Variants in ESRRB observed in about 807,000 individuals in gnomAD.
The protein encoded by ESRRB is estrogen related receptor beta.
Under a neutral mutation model 46.0 loss-of-function variants are expected in ESRRB, and 16 were observed. That is an observed-to-expected ratio of 0.35 (90% CI 0.24 to 0.53). ESRRB has a LOEUF of 0.53. Among genes scored for constraint, ESRRB ranks in the 20% least tolerant of loss-of-function variants. ESRRB has a pLI of 0.93. For missense variants in ESRRB, 488 were observed against 607.4 expected, an observed-to-expected ratio of 0.80 and a Z score of 2.07; for synonymous variants, 246 against 259.6, an observed-to-expected ratio of 0.95 and a Z score of 0.50.
intron 5 of ESRRB, among the ~76,000 whole-genome samples, chr14:76,489,119 A>T (rs1051797276): frequency 2.0e-5 from 3 of 151,878 alleles, no homozygotes; most frequent in African/African-American, 7.3e-5. Flanking sequence ...GCGTTTCCAG[A>T]AGCCTAGTCC....
rs565322112 is a variant in ESRRB, at chr14:76,427,036, G to A, written c.51-12305G>A. Among the ~76,000 whole-genome samples the A allele has an allele frequency of 4.1e-4, 62 of 152,306 alleles. No homozygotes were observed. The South Asian group carries it at 6.4e-3, about 16-fold the overall frequency. On this transcript the variant is annotated intron_variant, in intron 1 of 6. Transcript: ENST00000644823. ...GAACAGAGATGCTGCAGGGGCATGG[G>A]AGGAATTGCCAACAGTAACTGGGGC...
intron 5 of ESRRB, among the ~76,000 whole-genome samples, chr14:76,485,233 A>ATTTTTTTTTTTTTTTTTTTTTTTTTTTTT (rs34504939): frequency 3.3e-5 from 3 of 91,858 alleles, no homozygotes; most frequent in African/African-American, 4.2e-5. Context: ...CAAATGCCTG[A>ATTTTTTTTTTTTTTTTTTTTTTTTTTTTT]TTTTTTTTTT....
chr14:76,341,007 T>C (rs1884185443), intron 1 of ESRRB, among the ~76,000 whole-genome samples: 1 of 152,138 alleles, frequency 6.6e-6, no homozygotes, highest in Admixed American at 6.5e-5. Flanking sequence ...GCATGTGAAG[T>C]ACCGAGACTC....
chr14:76,325,236 G>A (rs565020362), intron 1 of ESRRB, among the ~76,000 whole-genome samples: 31 of 152,292 alleles, frequency 2.0e-4, no homozygotes, highest in Admixed American at 3.3e-4. Flanking sequence ...GATTACAGGC[G>A]TGAGCCACTG....
chr14:76,433,118 T>C (rs1887525615), intron 1 of ESRRB, among the ~76,000 whole-genome samples: 1 of 152,102 alleles, frequency 6.6e-6, no homozygotes, highest in Non-Finnish European at 1.5e-5. Context: ...AACCTCCCTG[T>C]AGATTTCTTG....
intron 3 of ESRRB, among the ~76,000 whole-genome samples, chr14:76,467,756 A>G (rs946743449): frequency 2.0e-5 from 3 of 151,638 alleles, no homozygotes; most frequent in Non-Finnish European, 4.4e-5. Flanking sequence ...GTGTGGACTG[A>G]CTCTGGAAAA....
chr14:76,417,420 T>A (rs910446776), intron 1 of ESRRB, among the ~76,000 whole-genome samples: 7 of 152,150 alleles, frequency 4.6e-5, no homozygotes, highest in Admixed American at 2.0e-4. Flanking sequence ...TTGCAGGCCA[T>A]GGAAGAGACT....
intron 1 of ESRRB, among the ~76,000 whole-genome samples, chr14:76,353,699 C>A (rs964838999): frequency 1.3e-5 from 2 of 152,178 alleles, no homozygotes; most frequent in African/African-American, 4.8e-5. Flanking sequence ...TGCCTGTAAT[C>A]CCAGCACTTC....
At position 76,410,010 on chromosome 14, in the gene ESRRB, G is replaced by A. The variant is rs759600660; in HGVS notation, c.51-29331G>A. Among the ~76,000 whole-genome samples, 63 of 152,090 alleles carry A rather than the reference G, an allele frequency of 4.1e-4. 1 individual carries two copies. The highest frequency in any genetic ancestry group is 7.9e-4 in the Non-Finnish European group (54 of 68,018). ...AGGCTGAGGGGGGTGGATCACCTGAGGTCAGGAGTTTGAGACCACCCTGGC... is the reference window on the plus strand; with the variant it reads ...AGGCTGAGGGGGGTGGATCACCTGAAGTCAGGAGTTTGAGACCACCCTGGC... On this transcript the variant is annotated intron_variant, in intron 1 of 6. Coordinates refer to ENST00000644823, the MANE Select transcript of ESRRB (RefSeq NM_001379180.1).
intron 1 of ESRRB, among the ~76,000 whole-genome samples, chr14:76,355,942 G>A (rs751097252): frequency 3.9e-5 from 6 of 152,126 alleles, no homozygotes; most frequent in East Asian, 3.9e-4. Flanking sequence ...ACCCTCTTCC[G>A]CAATCTCTTC....
intron 3 of ESRRB, among the ~76,000 whole-genome samples, chr14:76,466,787 G>A (rs1022084185): frequency 9.2e-5 from 14 of 151,674 alleles, no homozygotes; most frequent in African/African-American, 2.7e-4. Flanking sequence ...GCAGTGGCGC[G>A]ATCTAGGCTC....
At chr14:76,461,323 A>T (rs1210042570) in intron 2 of ESRRB, among the ~76,000 whole-genome samples, 1 of 151,810 alleles carries the variant, frequency 6.6e-6, no homozygotes, top group Non-Finnish European at 1.5e-5. Flanking sequence ...GAGGGGAGGG[A>T]CTCTGTAGAT....
At chr14:76,470,218 G>C (rs999892749) in intron 3 of ESRRB, among the ~76,000 whole-genome samples, 11 of 152,060 alleles carry the variant, frequency 7.2e-5, no homozygotes, top group Non-Finnish European at 4.4e-5. Flanking sequence ...CCAAAGTGTT[G>C]GGATTATAGG....
chr14:76,495,422 CGT>C, intron 6 of ESRRB: 1 of 152,008 alleles, frequency 6.6e-6, no homozygotes, highest in East Asian at 1.9e-4. Flanking sequence ...AGGGAACACA[CGT>C]TGCTTATTCC....
At chr14:76,496,429 T>C (rs1161602072) in intron 6 of ESRRB, among the ~76,000 whole-genome samples, 2 of 152,006 alleles carry the variant, frequency 1.3e-5, no homozygotes, top group African/African-American at 4.8e-5. Context: ...ACTTCTGTAG[T>C]GGGGCCATCA....
At chr14:76,349,868 A>G (rs888590680) in intron 1 of ESRRB, among the ~76,000 whole-genome samples, 2 of 152,204 alleles carry the variant, frequency 1.3e-5, no homozygotes, top group Non-Finnish European at 2.9e-5. Context: ...CTTTGCAGCT[A>G]GGAAAATACT....
At chr14:76,483,977 C>T (rs534837593) in intron 5 of ESRRB, among the ~76,000 whole-genome samples, 1 of 152,282 alleles carries the variant, frequency 6.6e-6, no homozygotes, top group East Asian at 1.9e-4. Context: ...CCTCAGCCTC[C>T]CCAGTAGCTG....
intron 1 of ESRRB, among the ~76,000 whole-genome samples, chr14:76,333,970 C>T (rs1382033407): frequency 1.3e-5 from 2 of 152,062 alleles, no homozygotes; most frequent in African/African-American, 4.8e-5. Context: ...TGCTCTGTGC[C>T]TTAGTTTCCC....
chr14:76,499,775 G>A lies in ESRRB; in HGVS notation c.*1317G>A. 4 of 1,128,702 alleles carry A rather than the reference G, an allele frequency of 3.5e-6. No homozygotes were observed. The highest frequency in any genetic ancestry group is 5.4e-6 in the Non-Finnish European group (4 of 738,268). 69.9% of individuals were successfully genotyped at this position (1,128,702 alleles called of 1,614,324 possible). ...AAACTCCTCTACCCCAGGCACACGG[G>A]GACAGTGGGTCACTCTATTTCTGTG... On this transcript the variant is annotated 3_prime_UTR_variant, in exon 7 of 7. Coordinates refer to ENST00000644823, the MANE Select transcript of ESRRB (RefSeq NM_001379180.1).
Sources: allele counts gnomAD v4.1 joint callset (sites outside exome capture counted in the v4.1 genomes callset), GRCh38; gene constraint gnomAD v4.1.1; transcripts MANE v1.5; gene names NCBI Gene and HGNC (gene_info 2026-07-23, HGNC 2026-07-21).